The following UBAP2 variants were observed in gnomAD, a reference collection of about 807,000 sequenced individuals.
UBAP2 encodes ubiquitin-associated protein 2.
A neutral mutation model predicts 139.6 loss-of-function variants in UBAP2; 75 were observed. The ratio of observed to expected loss-of-function variants is 0.54; its 90% confidence interval spans 0.45 to 0.65. The LOEUF (loss-of-function observed/expected upper bound fraction) is 0.65, where lower values mean the gene tolerates loss of function less well. Ranked by LOEUF, UBAP2 falls within the 30% of genes least tolerant of loss-of-function variation. The pLI, the probability that UBAP2 is intolerant of heterozygous loss-of-function variation, is 0.00. For missense variants in UBAP2, 1,368 were observed against 1,369.6 expected (o/e 1.00, Z 0.02); for synonymous variants, 526 against 526.2 (o/e 1.00, Z 0.01).
rs1554690814 is a variant in UBAP2, at chr9:34,016,305, A to AGAGGAGGAAGAGGAGGAT, written c.99+744_99+745insATCCTCCTCTTCCTCCTC. On this transcript the variant is annotated intron_variant, in intron 2 of 28. Transcript: ENST00000379238. The stretch of plus-strand genomic sequence containing the variant: ...AAGAGGAGGAGGAGGAAGAGGAGGA[A>AGAGGAGGAAGAGGAGGAT]GAGGAGGAAGAGAAGGAGGAAGAGG... Among the ~76,000 whole-genome samples, 7 of 22,886 alleles carry AGAGGAGGAAGAGGAGGAT rather than the reference A, an allele frequency of 3.1e-4. No homozygotes were observed. The East Asian group carries it at 0.017, about 56-fold the overall frequency. 15.0% of individuals were successfully genotyped at this position (22,886 alleles called of 152,430 possible).
chr9:33,975,820 G>C (rs1430513675), intron 6 of UBAP2, among the ~76,000 whole-genome samples: 8 of 144,368 alleles, frequency 5.5e-5, no homozygotes, highest in African/African-American at 2.0e-4. Context: ...AAAAAAAAAA[G>C]TAAAATGGTA....
chr9:34,017,087 G>C lies in UBAP2; in HGVS notation c.62C>G (p.Ala21Gly). 6.2e-7 allele frequency: 1 copy of C among 1,611,728 alleles called. No homozygotes were observed. The change falls in exon 2 of 29, where the codon GCA (alanine) becomes GGA (glycine). Residue 21 changes from alanine to glycine, a missense_variant. Coordinates refer to ENST00000379238, the MANE Select transcript of UBAP2 (RefSeq NM_001370062.2). ...TTTCTGTGGTTGCGTTGATTGTGCT[G>C]CTGAAATCTGTGGTTTTTCCCGAGC... is the stretch of plus-strand genomic sequence containing the variant. Reference protein sequence around the residue: ...RGAREKPQISAAQSTQPQKQV... With the variant: ...RGAREKPQISGAQSTQPQKQV...
In UBAP2 at chr9:33,921,733, AAAACCCCTG is replaced by A. The variant is rs1822898170; in HGVS notation, c.*762_*770del. On this transcript the variant is annotated 3_prime_UTR_variant, in exon 29 of 29. Transcript: ENST00000379238. Reference sequence around the variant, plus strand: ...TTATTAGGTGGGGATTGGGCAAGAGAAAACCCCTGAAACAGTTGCCCACGTGGTTCAAGA... The same window carrying A: ...TTATTAGGTGGGGATTGGGCAAGAGAAAACAGTTGCCCACGTGGTTCAAGA... The A allele has an allele frequency of 6.6e-6, 1 of 152,660 alleles. No individual in the cohort carries two copies. Among genetic ancestry groups the A allele is most frequent in the African/African-American group, 2.4e-5 (1 of 41,458 alleles). 9.5% of individuals were successfully genotyped at this position (152,660 alleles called of 1,614,324 possible).
Position 33,936,441 on chromosome 9 carries a change from G to A in UBAP2, c.1930-563C>T, listed in dbSNP as rs375029038. Among the ~76,000 whole-genome samples the A allele has an allele frequency of 2.6e-5, 4 of 151,676 alleles. 1 individual carries two copies. Among genetic ancestry groups the A allele is most frequent in the African/African-American group, 4.8e-5 (2 of 41,316 alleles). On this transcript the variant is annotated intron_variant, in intron 16 of 28. Transcript: ENST00000379238. The stretch of plus-strand genomic sequence containing the variant: ...CCCAAGTAGCTGGGATTACAGGCGC[G>A]CACCACTACACCAGGCTAATGTTTG...
At chr9:33,969,383 C>T (rs980606618) in intron 8 of UBAP2, among the ~76,000 whole-genome samples, 1 of 151,922 alleles carries the variant, frequency 6.6e-6, no homozygotes, top group Admixed American at 6.6e-5. Flanking sequence ...CTTATCTCTA[C>T]AAAAAACTTT....
intron 13 of UBAP2, among the ~76,000 whole-genome samples, chr9:33,947,208 G>A (rs1825716785): frequency 6.6e-6 from 1 of 152,150 alleles, no homozygotes; most frequent in Admixed American, 6.5e-5. Flanking sequence ...GTGGTCTCAT[G>A]TACTTCCAAC....
Position 33,988,957 on chromosome 9 carries a change from G to A in UBAP2, c.442+16C>T. 1.3e-6 allele frequency: 2 copies of A among 1,594,474 alleles called. No individual in the cohort carries two copies. Among genetic ancestry groups the A allele is most frequent in the Non-Finnish European group, 1.7e-6 (2 of 1,173,204 alleles). ...ATGAAAGAAGAGAAAAAACTGAGGA[G>A]AAAGTCTGTACTTACATTCTCTGCC... On this transcript the variant is annotated intron_variant, in intron 5 of 28. Coordinates refer to ENST00000379238, the MANE Select transcript of UBAP2 (RefSeq NM_001370062.2).
intron 1 of UBAP2, among the ~76,000 whole-genome samples, chr9:34,044,400 C>T (rs1006367876): frequency 5.6e-5 from 8 of 143,968 alleles, no homozygotes; most frequent in African/African-American, 2.1e-4. Flanking sequence ...GACTCTGTCT[C>T]GAAAAAAAAA....
intron 10 of UBAP2, 69 bp downstream of exon 10, chr9:33,960,757 G>T: frequency 6.7e-7 from 1 of 1,498,396 alleles, no homozygotes; most frequent in Non-Finnish European, 9.2e-7. Context: ...TCCAGCCTGG[G>T]CAACAAAAGT....
intron 6 of UBAP2, among the ~76,000 whole-genome samples, chr9:33,976,559 A>G (rs1828360177): frequency 6.6e-6 from 1 of 152,224 alleles, no homozygotes; most frequent in South Asian, 2.1e-4. Context: ...TGAAATGATA[A>G]AGGGTAAGGT....
chr9:34,024,074 C>T (rs1667756137), intron 1 of UBAP2, among the ~76,000 whole-genome samples: 1 of 149,886 alleles, frequency 6.7e-6, no homozygotes, highest in Admixed American at 6.7e-5. Flanking sequence ...ATAGCAAATA[C>T]AAGGATGGGC....
chr9:33,922,941 C>T (rs758235479), intron 27 of UBAP2, 25 bp downstream of exon 27: 19 of 1,614,050 alleles, frequency 1.2e-5, no homozygotes, highest in Middle Eastern at 1.6e-4. Flanking sequence ...AAAACCTATA[C>T]ACCCAACCCA....
At chr9:33,944,714 T>C in intron 13 of UBAP2, 75 bp from the exon 14 acceptor site, 2 of 1,483,766 alleles carry the variant, frequency 1.3e-6, no homozygotes. Context: ...AAGTGTTCTA[T>C]TACCACCAAT....
At chr9:33,932,518 T>C in intron 19 of UBAP2, 44 bp downstream of exon 19, 2 of 1,610,316 alleles carry the variant, frequency 1.2e-6, no homozygotes, top group Non-Finnish European at 1.7e-6. Context: ...AGCTCCAGGC[T>C]CCCCAAGCAT....
chr9:34,037,113 G>A (rs559291194), intron 1 of UBAP2, among the ~76,000 whole-genome samples: 28 of 150,910 alleles, frequency 1.9e-4, no homozygotes, highest in East Asian at 1.6e-3. Flanking sequence ...CTCGGCCTCC[G>A]GATTAGCTGA....
intron 1 of UBAP2, among the ~76,000 whole-genome samples, chr9:34,043,062 T>C (rs1003570402): frequency 1.3e-5 from 2 of 152,082 alleles, no homozygotes; most frequent in African/African-American, 4.8e-5. Flanking sequence ...AGCAAGACCC[T>C]GTCTCCAAAA....
chr9:34,027,024 A>G (rs1282498109), intron 1 of UBAP2, among the ~76,000 whole-genome samples: 1 of 152,060 alleles, frequency 6.6e-6, no homozygotes, highest in Non-Finnish European at 1.5e-5. Context: ...AGATACCCAT[A>G]TGTTCTATAC....
intron 16 of UBAP2, among the ~76,000 whole-genome samples, chr9:33,937,452 CA>C (rs1306275234): frequency 2.0e-5 from 3 of 151,638 alleles, no homozygotes; most frequent in African/African-American, 7.3e-5. Context: ...ACTAAAACTA[CA>C]AAAATTAGCT....
chr9:33,988,934 G>T (rs1050760256), intron 5 of UBAP2, 39 bp downstream of exon 5: 5 of 1,583,770 alleles, frequency 3.2e-6, no homozygotes, highest in Non-Finnish European at 3.4e-6. Flanking sequence ...CACTTGAGAT[G>T]AAAGAAGAGA....
Sources: gnomAD v4.1 joint callset for allele counts (sites outside exome capture counted in the v4.1 genomes callset) on GRCh38, gnomAD v4.1.1 for gene constraint, MANE v1.5 for transcripts, NCBI Gene and HGNC (gene_info 2026-07-23, HGNC 2026-07-21) for gene names.